ABCD2: variants seen among roughly 807,000 people sequenced by gnomAD.
The protein encoded by ABCD2 is ATP binding cassette subfamily D member 2.
Under a neutral mutation model 70.9 loss-of-function variants are expected in ABCD2, and 36 were observed. The observed-to-expected ratio is 0.51, with a 90% CI of 0.39 to 0.67. The LOEUF is 0.67. ABCD2 is among the 30% of genes least tolerant of loss of function. ABCD2 has a pLI of 0.00. For synonymous variants in ABCD2, 304 were observed against 306.9 expected (o/e 0.99, Z 0.10); for missense variants, 729 against 890.2 (o/e 0.82, Z 2.30).
chr12:39,553,888 A>G lies in ABCD2; in HGVS notation c.*24T>C. On this transcript the variant is annotated 3_prime_UTR_variant, in exon 10 of 10. Transcript: ENST00000308666. ...TCTTTGAGCCTTTATCTAATAATTAACTTTTAAAATATGTCAAAACAAATT... is the reference window on the plus strand; with the variant it reads ...TCTTTGAGCCTTTATCTAATAATTAGCTTTTAAAATATGTCAAAACAAATT... The G allele has an allele frequency of 3.9e-6, 6 of 1,535,690 alleles. No homozygotes were observed. The highest frequency in any genetic ancestry group is 5.3e-6 in the Non-Finnish European group (6 of 1,124,556).
At chr12:39,560,908 C>T (rs1240520410) in intron 9 of ABCD2, among the ~76,000 whole-genome samples, 2 of 151,552 alleles carry the variant, frequency 1.3e-5, no homozygotes, top group African/African-American at 2.4e-5. Flanking sequence ...AGTAGACGCA[C>T]TAAAAATAAA....
intron 6 of ABCD2, among the ~76,000 whole-genome samples, chr12:39,587,937 C>T (rs73096537): frequency 0.044 from 6,657 of 152,024 alleles, 192 homozygotes; most frequent in Middle Eastern, 0.078. Flanking sequence ...AAGAATCAGG[C>T]GGAAATTTTA....
At chr12:39,539,036 C>G in the ABCD2 span, among the ~76,000 whole-genome samples, 17 of 152,254 alleles carry the variant, frequency 1.1e-4, no homozygotes, top group East Asian at 7.7e-4. Flanking sequence ...CACACCACCT[C>G]GTGTTGTCTG....
intron 6 of ABCD2, among the ~76,000 whole-genome samples, chr12:39,593,836 A>G (rs1315062875): frequency 6.6e-6 from 1 of 152,200 alleles, no homozygotes; most frequent in Non-Finnish European, 1.5e-5. Flanking sequence ...TATTTTTGAA[A>G]AATTCTTTAA....
At chr12:39,603,138 T>C (rs1941923271) in intron 5 of ABCD2, among the ~76,000 whole-genome samples, 1 of 152,172 alleles carries the variant, frequency 6.6e-6, no homozygotes, top group Non-Finnish European at 1.5e-5. Context: ...TCTTTAATAA[T>C]TAAACCTTGA....
At chr12:39,587,041 G>A (rs1375767543) in intron 6 of ABCD2, among the ~76,000 whole-genome samples, 1 of 152,130 alleles carries the variant, frequency 6.6e-6, no homozygotes, top group African/African-American at 2.4e-5. Flanking sequence ...CAGAGCATTT[G>A]TTGCCCTTTG....
chr12:39,573,985 A>G, intron 8 of ABCD2, 144 bp from the exon 9 acceptor site: 1 of 702,804 alleles, frequency 1.4e-6, no homozygotes, highest in South Asian at 2.5e-5. Flanking sequence ...GATAAAGCAA[A>G]AAAGTAGTTG....
At chr12:39,611,364 T>C (rs1942042436) in intron 2 of ABCD2, among the ~76,000 whole-genome samples, 1 of 152,050 alleles carries the variant, frequency 6.6e-6, no homozygotes, top group Non-Finnish European at 1.5e-5. Context: ...TGATCAGTTT[T>C]TGTAAACCTA....
At chr12:39,618,085 A>G (rs1942141397) in intron 1 of ABCD2, among the ~76,000 whole-genome samples, 1 of 151,942 alleles carries the variant, frequency 6.6e-6, no homozygotes, top group African/African-American at 2.4e-5. Context: ...CATTTTGTCA[A>G]AGTACAGTGC....
chr12:39,575,480 A>G (rs1941503490), intron 8 of ABCD2, among the ~76,000 whole-genome samples: 1 of 152,176 alleles, frequency 6.6e-6, no homozygotes, highest in South Asian at 2.1e-4. Context: ...TGCTTTGTGT[A>G]TCATCAGTAG....
intron 9 of ABCD2, among the ~76,000 whole-genome samples, chr12:39,569,640 C>T (rs934335990): frequency 1.7e-4 from 26 of 152,250 alleles, no homozygotes; most frequent in African/African-American, 3.1e-4. Context: ...GTCCTGCACC[C>T]GCTTTCTGAC....
Position 39,613,164 on chromosome 12 carries a change from A to T in ABCD2, c.1120+3824T>A, listed in dbSNP as rs191062061. Among the ~76,000 whole-genome samples, 112 of 136,036 alleles carry T rather than the reference A, an allele frequency of 8.2e-4. 17 individuals are homozygous for T. In the East Asian group the frequency reaches 0.021, roughly 25 times the overall value. The allele number at this position is 136,036 out of a possible 152,430, so 89.2% of individuals were successfully genotyped here. A position where few individuals can be genotyped will look rare whatever the true frequency, so the allele number is the denominator to read the frequency against. On this transcript the variant is annotated intron_variant, in intron 2 of 9. Transcript: ENST00000308666. ...CACTTTGGGAGGCCGAGGCGGGCGG[A>T]TCACGAGGTCAGGAGATCGAGACCA...
chr12:39,600,632 G>T lies in ABCD2; in HGVS notation c.1585C>A (p.Pro529Thr), dbSNP rs1941884054. Residue 529 changes from proline (P) to threonine (T), a missense_variant, in exon 6 of 10, where the codon CCT becomes ACT. Physicochemically the swap from Pro to Thr is conservative, Grantham distance 38. This residue lies in a region of ABCD2 where 289 missense variants were observed against 328.8 expected (regional missense o/e 0.88). Transcript: ENST00000308666. ...TTATAGAGGACTCCTTCATACACAG[G>T]CCAGAGCCCACTTAGAATTCTGAAG... Reference protein sequence around the residue: ...SLFRILSGLWPVYEGVLYKPP... With the variant: ...SLFRILSGLWTVYEGVLYKPP... 6.2e-7 allele frequency: 1 copy of T among 1,612,618 alleles called. No homozygotes were observed. The highest frequency in any genetic ancestry group is 1.3e-5 in the African/African-American group (1 of 74,840).
At chr12:39,602,814 T>C (rs1324609425) in intron 5 of ABCD2, among the ~76,000 whole-genome samples, 1 of 152,092 alleles carries the variant, frequency 6.6e-6, no homozygotes, top group Admixed American at 6.5e-5. Flanking sequence ...ATTTATTAAA[T>C]AAATAGAGCA....
At chr12:39,559,379 A>G (rs1474021131) in intron 9 of ABCD2, among the ~76,000 whole-genome samples, 1 of 92,282 alleles carries the variant, frequency 1.1e-5, no homozygotes, top group African/African-American at 6.4e-5. Flanking sequence ...CTCCAGCTCC[A>G]AAAAAAAAAA....
At chr12:39,556,613 C>T (rs1941169694) in intron 9 of ABCD2, among the ~76,000 whole-genome samples, 2 of 152,104 alleles carry the variant, frequency 1.3e-5, no homozygotes, top group South Asian at 2.1e-4. Context: ...TTATAAATTA[C>T]CCGGTCTAGG....
chr12:39,607,685 C>T lies in ABCD2; in HGVS notation c.1150G>A (p.Glu384Lys). ...GCAGTGGTAAAGGCTTCTGTCCGTT[C>T]ACTAACCATAACTTGCTTTTGGCCA... ...EDGQKQVMVSERTEAFTTARN... is the reference protein window; with the variant it reads ...EDGQKQVMVSKRTEAFTTARN... The change falls in exon 3 of 10, where the codon GAA becomes AAA. Residue 384 changes from glutamate to lysine, a missense_variant. This residue lies in a region of ABCD2 where 195 missense variants were observed against 300.2 expected (regional missense o/e 0.65). Transcript: ENST00000308666. 6.2e-7 allele frequency: 1 copy of T among 1,610,490 alleles called. No individual in the cohort carries two copies. The highest frequency in any genetic ancestry group is 8.5e-7 in the Non-Finnish European group (1 of 1,178,460).
rs982846722 is a variant in ABCD2 at position 39,618,824 on chromosome 12, C to T, written c.792G>A (p.Val264=). 2 of 1,614,122 alleles carry T rather than the reference C, an allele frequency of 1.2e-6. No homozygotes were observed. Among genetic ancestry groups the T allele is most frequent in the Admixed American group, 1.7e-5 (1 of 60,016 alleles). Reference sequence around the variant, plus strand: ...CTTTTAACACTTTAGCAGTGGCATACACCACAAGTCCTGCTAGTAGGGTGG... The same window carrying T: ...CTTTTAACACTTTAGCAGTGGCATATACCACAAGTCCTGCTAGTAGGGTGG... The part of the protein sequence containing the change: ...IGPTLLAGLV[V]YATAKVLKAC... The change falls in exon 1 of 10, where the codon GTG becomes GTA. Residue 264 remains valine, a synonymous_variant. Coordinates refer to ENST00000308666, the MANE Select transcript of ABCD2 (RefSeq NM_005164.4).
intron 9 of ABCD2, among the ~76,000 whole-genome samples, chr12:39,571,182 A>C (rs1480793653): frequency 6.6e-6 from 1 of 152,186 alleles, no homozygotes; most frequent in Non-Finnish European, 1.5e-5. Context: ...AAATGTTAAA[A>C]ATAGAACTAC....
Sources: gnomAD v4.1 joint callset for allele counts (sites outside exome capture counted in the v4.1 genomes callset) on GRCh38, gnomAD v4.1.1 for gene constraint, gnomAD v4.1.1 regional missense constraint, MANE v1.5 for transcripts, NCBI Gene and HGNC (gene_info 2026-07-23, HGNC 2026-07-21) for gene names.